Variants in C17orf75 observed in about 807,000 individuals in gnomAD.
C17orf75 encodes chromosome 17 open reading frame 75.
Under a neutral mutation model 49.6 loss-of-function variants are expected in C17orf75, and 32 were observed. The ratio of observed to expected loss-of-function variants is 0.65; its 90% CI spans 0.49 to 0.87. The LOEUF is 0.87. C17orf75 is among the 40% of genes least tolerant of loss of function. C17orf75 has a pLI of 0.00. For missense variants in C17orf75, 428 were observed against 473.9 expected, an observed-to-expected ratio of 0.90 and a Z score of 0.90; for synonymous variants, 158 against 159.5, an observed-to-expected ratio of 0.99 and a Z score of 0.07.
chr17:32,340,918 C>T (rs531684408), intron 2 of C17orf75: 21 of 347,828 alleles, frequency 6.0e-5, no homozygotes, highest in South Asian at 5.8e-4. Context: ...GCACTCCAGC[C>T]TGGGCAGCAG....
At chr17:32,339,717 G>T in intron 3 of C17orf75, 96 bp downstream of exon 3, 4 of 1,483,526 alleles carry the variant, frequency 2.7e-6, no homozygotes, top group Non-Finnish European at 3.6e-6. Context: ...GACAAATTCT[G>T]CAGGTCTAGT....
chr17:32,346,159 G>A (rs72813006), upstream of C17orf75, among the ~76,000 whole-genome samples: 2,738 of 152,086 alleles, frequency 0.018, 36 homozygotes, highest in Middle Eastern at 0.031. Flanking sequence ...GGTGGCTCAC[G>A]CTTGTTAATC....
At chr17:32,346,549 GCCTT>G (rs1234613984), upstream of C17orf75, among the ~76,000 whole-genome samples, 5 of 152,050 alleles carry the variant, frequency 3.3e-5, no homozygotes, top group Non-Finnish European at 7.4e-5. Context: ...AGCGCACCAG[GCCTT>G]CTTTAATTTC....
At chr17:32,340,560 G>A (rs183662059) in intron 2 of C17orf75, among the ~76,000 whole-genome samples, 3 of 151,770 alleles carry the variant, frequency 2.0e-5, no homozygotes, top group Admixed American at 2.0e-4. Flanking sequence ...CAGGAGAATG[G>A]CGTGAACCCG....
At chr17:32,347,424 G>A (rs1296981172) in intron 1 of C17orf75, among the ~76,000 whole-genome samples, 4 of 151,680 alleles carry the variant, frequency 2.6e-5, no homozygotes, top group East Asian at 3.9e-4. Flanking sequence ...GATTACAGGC[G>A]CCCGCCACCA....
intron 5 of C17orf75, among the ~76,000 whole-genome samples, chr17:32,336,391 T>C (rs141606128): frequency 7.2e-4 from 110 of 152,236 alleles, no homozygotes; most frequent in African/African-American, 2.6e-3. Context: ...TTTTTGTATT[T>C]GTTGTAGAGA....
At chr17:32,340,858 C>A (rs560163554) in intron 2 of C17orf75, 102 of 229,152 alleles carry the variant, frequency 4.5e-4, no homozygotes, top group African/African-American at 2.1e-3. Context: ...GTGAGAGGAT[C>A]ACCTGAGGCC....
rs2041267716 is a variant in C17orf75 at position 32,330,944 on chromosome 17, G to A, written c.*819C>T. The A allele has an allele frequency of 6.6e-6, 1 of 152,122 alleles. No individual in the cohort carries two copies. The highest frequency in any genetic ancestry group is 2.4e-5 in the African/African-American group (1 of 41,398). The allele number at this position is 152,122 out of a possible 1,614,324, so 9.4% of individuals were successfully genotyped here. ...GGCTCACTGCAAGCTCCACCTCCTG[G>A]GTTCACGCCACTCTCCTGCCTCAGC... is the stretch of plus-strand genomic sequence containing the variant. On this transcript the variant is annotated 3_prime_UTR_variant, in exon 10 of 10. Coordinates refer to ENST00000577809, the MANE Select transcript of C17orf75 (RefSeq NM_022344.4).
At position 32,341,273 on chromosome 17, in the gene C17orf75, T is replaced by C. The variant is rs774810383; in HGVS notation, c.152A>G (p.Gln51Arg). ...YSYRGSRLAQQRGDSEDGSPS... is the reference protein window; with the variant it reads ...YSYRGSRLAQRRGDSEDGSPS... The stretch of plus-strand genomic sequence containing the variant: ...GCTTCCGTCCTCACTGTCCCCTCGT[T>C]GCTGTGCCAATCTACAAGCCACAAA... The change falls in exon 2 of 10, where the codon CAA (glutamine) becomes CGA (arginine). Residue 51 changes from glutamine (Q) to arginine (R), a missense_variant. By Grantham distance (43) the Gln-to-Arg change is conservative (BLOSUM62 1). Coordinates refer to ENST00000577809, the MANE Select transcript of C17orf75 (RefSeq NM_022344.4). The C allele has an allele frequency of 2.0e-5, 33 of 1,613,828 alleles. No individual in the cohort carries two copies. The highest frequency in any genetic ancestry group is 2.8e-5 in the Non-Finnish European group (33 of 1,179,882).
intron 1 of C17orf75, among the ~76,000 whole-genome samples, chr17:32,348,867 CTTTT>C (rs561014138): frequency 2.8e-5 from 3 of 108,848 alleles, no homozygotes; most frequent in Admixed American, 1.0e-4. Flanking sequence ...CAGCTCCAGT[CTTTT>C]TTTTTTTTTT....
intron 1 of C17orf75, among the ~76,000 whole-genome samples, chr17:32,341,641 TG>T (rs1257712807): frequency 1.3e-5 from 2 of 151,356 alleles, no homozygotes; most frequent in Non-Finnish European, 2.9e-5. Flanking sequence ...GTGACAGAAA[TG>T]GGAGAAGTGG....
At chr17:32,341,124 G>C (rs547599573) in intron 2 of C17orf75, 80 bp downstream of exon 2, 4 of 1,390,620 alleles carry the variant, frequency 2.9e-6, no homozygotes, top group East Asian at 4.6e-5. Flanking sequence ...AGTGGAAATA[G>C]AGTATCCACT....
upstream of C17orf75, among the ~76,000 whole-genome samples, chr17:32,344,960 C>T (rs1469828837): frequency 4.0e-5 from 6 of 151,854 alleles, no homozygotes; most frequent in Admixed American, 2.0e-4. Flanking sequence ...TAGAGTCCCC[C>T]CCAACAACCC....
intron 4 of C17orf75, 99 bp downstream of exon 4, chr17:32,338,109 G>A (rs1055620539): frequency 4.3e-5 from 67 of 1,542,844 alleles, no homozygotes; most frequent in South Asian, 8.2e-5. Context: ...CTAAATACAC[G>A]AGGAGTAGAA....
upstream of C17orf75, among the ~76,000 whole-genome samples, chr17:32,343,150 G>A (rs1485299523): frequency 3.9e-5 from 6 of 152,186 alleles, no homozygotes; most frequent in Non-Finnish European, 7.3e-5. Context: ...ATCACCAGAA[G>A]CTAGGAGAGG....
At chr17:32,344,832 G>A (rs952220349), upstream of C17orf75, among the ~76,000 whole-genome samples, 2 of 151,458 alleles carry the variant, frequency 1.3e-5, no homozygotes, top group Non-Finnish European at 2.9e-5. Flanking sequence ...ACTTGAACCC[G>A]GGAGGCAGAG....
intron 2 of C17orf75, 162 bp downstream of exon 2, chr17:32,341,042 C>T: frequency 1.4e-6 from 1 of 711,774 alleles, no homozygotes; most frequent in East Asian, 2.6e-5. Context: ...TTGAATGAAC[C>T]AGCCAATGAG....
chr17:32,348,461 G>A (rs1344541029), intron 1 of C17orf75, among the ~76,000 whole-genome samples: 2 of 152,122 alleles, frequency 1.3e-5, no homozygotes, highest in Admixed American at 1.3e-4. Flanking sequence ...TACCCCAGAG[G>A]CTGAGACAAA....
intron 5 of C17orf75, among the ~76,000 whole-genome samples, chr17:32,337,650 T>G (rs1368626833): frequency 6.6e-6 from 1 of 152,212 alleles, no homozygotes; most frequent in Non-Finnish European, 1.5e-5. Context: ...CTCGGCTCAC[T>G]GAAACCTCTG....
Sources: allele counts gnomAD v4.1 joint callset (sites outside exome capture counted in the v4.1 genomes callset), GRCh38; gene constraint gnomAD v4.1.1; transcripts MANE v1.5; gene names NCBI Gene and HGNC (gene_info 2026-07-23, HGNC 2026-07-21).